The following PRIM2 variants were observed in gnomAD, a reference collection of about 807,000 sequenced individuals.
PRIM2 encodes the protein DNA primase subunit 2.
In PRIM2, 39 loss-of-function variants were observed where a neutral mutation model predicts 67.3. The observed-to-expected ratio is 0.58, with a 90% CI of 0.45 to 0.76. The LOEUF (loss-of-function observed/expected upper bound fraction) is 0.76, where lower values mean the gene tolerates loss of function less well. Ranked by LOEUF, PRIM2 falls within the 30% of genes least tolerant of loss-of-function variation. PRIM2 has a pLI of 0.00. For missense variants in PRIM2, 398 were observed against 598.7 expected (o/e 0.66, Z 3.50); for synonymous variants, 143 against 198.7 (o/e 0.72, Z 2.36).
At chr6:57,605,251 G>T (rs1191931100) in intron 11 of PRIM2, among the ~76,000 whole-genome samples, 2 of 152,018 alleles carry the variant, frequency 1.3e-5, no homozygotes, top group Non-Finnish European at 2.9e-5. Context: ...ATTGTGTCTC[G>T]GCCGGAGTTT....
At position 57,513,622 on chromosome 6, in the gene PRIM2, G is replaced by A. The variant is rs1301218771; in HGVS notation, c.761+6168G>A. ...ATAGTTGCTATTATTGGCTGGACGC[G>A]GTGGCTTACGCCTGTAAACCCAGCA... On this transcript the variant is annotated intron_variant, in intron 8 of 13. Coordinates refer to ENST00000615550, the MANE Select transcript of PRIM2 (RefSeq NM_000947.5). Among the ~76,000 whole-genome samples the A allele has an allele frequency of 7.9e-5, 12 of 152,286 alleles. No homozygotes were observed. In the East Asian group the frequency reaches 1.5e-3, roughly 20 times the overall value.
chr6:57,455,841 G>C (rs1230456829), intron 7 of PRIM2, among the ~76,000 whole-genome samples: 4 of 152,136 alleles, frequency 2.6e-5, no homozygotes, highest in African/African-American at 9.7e-5. Flanking sequence ...GATGTTAGCT[G>C]GTTATTTTGC....
At chr6:57,632,010 A>G (rs1777043645) in intron 12 of PRIM2, 123 bp from the exon 13 acceptor site, 1 of 559,188 alleles carries the variant, frequency 1.8e-6, no homozygotes, top group African/African-American at 1.9e-5. Context: ...AACATGCTAC[A>G]TGATTTATTG....
chr6:57,300,299 G>A, the PRIM2 span, among the ~76,000 whole-genome samples: 1 of 152,170 alleles, frequency 6.6e-6, no homozygotes, highest in Non-Finnish European at 1.5e-5. Context: ...TCTTAGTCCA[G>A]GAACTTTAGC....
intron 7 of PRIM2, among the ~76,000 whole-genome samples, chr6:57,483,287 A>G (rs1283210530): frequency 6.6e-6 from 1 of 152,176 alleles, no homozygotes; most frequent in Non-Finnish European, 1.5e-5. Flanking sequence ...GCCTCAGGAT[A>G]TGAGCACAAT....
At chr6:57,369,613 A>G (rs1769476547) in intron 5 of PRIM2, among the ~76,000 whole-genome samples, 2 of 152,158 alleles carry the variant, frequency 1.3e-5, no homozygotes, top group Non-Finnish European at 2.9e-5. Context: ...GAGCATCTCT[A>G]AAATAGTAAT....
chr6:57,405,203 A>G (rs1478230009), intron 7 of PRIM2, among the ~76,000 whole-genome samples: 16 of 152,252 alleles, frequency 1.1e-4, no homozygotes, highest in African/African-American at 3.9e-4. Context: ...TGACACGTCT[A>G]CTCTCATACA....
At chr6:57,520,370 A>T (rs1774585698) in intron 8 of PRIM2, among the ~76,000 whole-genome samples, 3 of 152,166 alleles carry the variant, frequency 2.0e-5, no homozygotes, top group African/African-American at 7.2e-5. Flanking sequence ...TCGACCTCTC[A>T]CTTTTTCATG....
At chr6:57,288,035 C>A in the PRIM2 span, among the ~76,000 whole-genome samples, 1 of 152,188 alleles carries the variant, frequency 6.6e-6, no homozygotes, top group Admixed American at 6.5e-5. Context: ...GAAGCTGTGA[C>A]AGTCTATACC....
rs1182433610 is a variant in PRIM2, at chr6:57,418,766, G to T, written c.693+36598G>T. ...TTCACGATTGCCTCCTCAGTCCACA[G>T]TCTCTATAGAGGGACTTAGGAAATA... On this transcript the variant is annotated intron_variant, in intron 7 of 13. Coordinates refer to ENST00000615550, the MANE Select transcript of PRIM2 (RefSeq NM_000947.5). Among the ~76,000 whole-genome samples the T allele has an allele frequency of 1.8e-4, 28 of 152,044 alleles. 1 individual carries two copies. The highest frequency in any genetic ancestry group is 1.8e-3 in the Admixed American group (27 of 15,262).
intron 7 of PRIM2, among the ~76,000 whole-genome samples, chr6:57,506,943 A>G (rs1230471062): frequency 6.6e-6 from 1 of 152,146 alleles, no homozygotes; most frequent in Non-Finnish European, 1.5e-5. Flanking sequence ...TCTGTATGTA[A>G]CCAGTTTCAC....
At chr6:57,346,455 G>A (rs1768681680) in intron 5 of PRIM2, among the ~76,000 whole-genome samples, 2 of 152,010 alleles carry the variant, frequency 1.3e-5, no homozygotes, top group Non-Finnish European at 1.5e-5. Context: ...GAGTAGCTGG[G>A]ATTACAGTCG....
chr6:57,605,420 G>A (rs1460808036), intron 11 of PRIM2, among the ~76,000 whole-genome samples: 1 of 152,198 alleles, frequency 6.6e-6, no homozygotes, highest in African/African-American at 2.4e-5. Context: ...TTTTCTGGTT[G>A]ATAGGTTTTT....
upstream of PRIM2, among the ~76,000 whole-genome samples, chr6:57,314,405 A>G (rs954537474): frequency 6.6e-5 from 10 of 152,184 alleles, no homozygotes; most frequent in African/African-American, 2.4e-4. Flanking sequence ...AATCCCAGCT[A>G]CTCGGGAGGC....
intron 7 of PRIM2, among the ~76,000 whole-genome samples, chr6:57,405,927 A>G (rs1442715463): frequency 2.6e-5 from 4 of 152,272 alleles, no homozygotes; most frequent in Non-Finnish European, 5.9e-5. Flanking sequence ...ATCATCACCC[A>G]GCAAGCCAAT....
intron 7 of PRIM2, among the ~76,000 whole-genome samples, chr6:57,464,441 C>T (rs1350689451): frequency 2.8e-4 from 42 of 152,030 alleles, no homozygotes; most frequent in Non-Finnish European, 1.3e-4. Context: ...CCACACGTGG[C>T]TAATTTTTAT....
At chr6:57,286,744 C>T in the PRIM2 span, among the ~76,000 whole-genome samples, 13 of 152,142 alleles carry the variant, frequency 8.5e-5, no homozygotes, top group South Asian at 2.1e-3. Flanking sequence ...CAACAAAAGC[C>T]GAAATTGAAA....
rs569270548 is a variant in PRIM2, at chr6:57,393,845, G to A, written c.693+11677G>A. Among the ~76,000 whole-genome samples the A allele has an allele frequency of 2.9e-4, 44 of 151,674 alleles. 1 individual carries two copies. The South Asian group carries it at 8.5e-3, about 29-fold the overall frequency. On this transcript the variant is annotated intron_variant, in intron 7 of 13. Coordinates refer to ENST00000615550, the MANE Select transcript of PRIM2 (RefSeq NM_000947.5). The stretch of plus-strand genomic sequence containing the variant: ...TCATCAGTTGATTTTTGCATAAGGC[G>A]AGAGATGAGGGTCCAGTTTCATTCT...
At chr6:57,238,452 C>A in the PRIM2 span, among the ~76,000 whole-genome samples, 4 of 152,176 alleles carry the variant, frequency 2.6e-5, no homozygotes, top group South Asian at 8.3e-4. Context: ...ACAACCTGCT[C>A]CTGAATGACT....
Sources: gnomAD v4.1 joint callset for allele counts (sites outside exome capture counted in the v4.1 genomes callset) on GRCh38, gnomAD v4.1.1 for gene constraint, MANE v1.5 for transcripts, NCBI Gene and HGNC (gene_info 2026-07-23, HGNC 2026-07-21) for gene names.